Variants in CAMK2D observed in about 807,000 individuals in gnomAD.
CAMK2D encodes the protein calcium/calmodulin-dependent protein kinase type II subunit delta.
In CAMK2D, 37 loss-of-function variants were observed where a neutral mutation model predicts 84.0. That is an observed-to-expected ratio of 0.44 (90% CI 0.34 to 0.58). The LOEUF (loss-of-function observed/expected upper bound fraction) is 0.58. Among genes scored for constraint, CAMK2D ranks in the 20% least tolerant of loss-of-function variants. CAMK2D has a pLI of 0.02. For synonymous variants in CAMK2D, 202 were observed against 212.5 expected (o/e 0.95, Z 0.43); for missense variants, 448 against 652.5 (o/e 0.69, Z 3.41).
At chr4:113,519,433 G>A (rs1215466152) in intron 8 of CAMK2D, among the ~76,000 whole-genome samples, 1 of 152,062 alleles carries the variant, frequency 6.6e-6, no homozygotes, top group African/African-American at 2.4e-5. Flanking sequence ...GCTGTTTGAT[G>A]GAGGAGTGTT....
chr4:113,467,861 CGGG>C (rs2097494751), intron 16 of CAMK2D, among the ~76,000 whole-genome samples: 3 of 151,950 alleles, frequency 2.0e-5, no homozygotes, highest in Non-Finnish European at 4.4e-5. Context: ...ATAAGGGATA[CGGG>C]TGAGGAGGAT....
intron 2 of CAMK2D, among the ~76,000 whole-genome samples, chr4:113,696,187 G>GAC (rs1377743443): frequency 4.4e-5 from 3 of 68,756 alleles, no homozygotes; most frequent in South Asian, 1.4e-3. Flanking sequence ...CAGACACACA[G>GAC]ACACACAGAC....
rs1362798158 is a variant in CAMK2D, at chr4:113,510,412, A to AAATT, written c.947-741_947-738dup. On this transcript the variant is annotated intron_variant, in intron 12 of 20. Coordinates refer to ENST00000511664, the MANE Select transcript of CAMK2D (RefSeq NM_001321571.2). The stretch of plus-strand genomic sequence containing the variant: ...TAAAACCAGAATAAAATCTTCAACG[A>AAATT]AATTAGAGAAATCTTAAAGCATATG... 5.3e-5 allele frequency among the ~76,000 whole-genome samples: 8 copies of AAATT among 152,296 alleles called. No homozygotes were observed. In the South Asian group the frequency reaches 1.4e-3, roughly 28 times the overall value.
intron 6 of CAMK2D, among the ~76,000 whole-genome samples, chr4:113,538,887 C>T (rs2098511218): frequency 6.6e-6 from 1 of 152,144 alleles, no homozygotes; most frequent in Admixed American, 6.6e-5. Context: ...AGATTCATCG[C>T]TATTATGACG....
chr4:113,636,802 A>G (rs1033736320), intron 3 of CAMK2D, among the ~76,000 whole-genome samples: 1 of 152,140 alleles, frequency 6.6e-6, no homozygotes, highest in Non-Finnish European at 1.5e-5. Context: ...ATCTCTAAAT[A>G]CCATCACATT....
intron 2 of CAMK2D, among the ~76,000 whole-genome samples, chr4:113,735,497 A>C (rs2099579266): frequency 6.6e-6 from 1 of 151,872 alleles, no homozygotes; most frequent in Non-Finnish European, 1.5e-5. Flanking sequence ...AACAAAACAC[A>C]ATTTGTACAA....
At chr4:113,754,502 A>G (rs2099623987) in intron 2 of CAMK2D, 1 of 940,340 alleles carries the variant, frequency 1.1e-6, no homozygotes, top group African/African-American at 1.8e-5. Flanking sequence ...TTTATTCAAC[A>G]TTTCAATGGA....
chr4:113,479,219 A>G (rs180815321), intron 16 of CAMK2D, among the ~76,000 whole-genome samples: 1 of 152,340 alleles, frequency 6.6e-6, no homozygotes, highest in African/African-American at 2.4e-5. Flanking sequence ...AGAAGTGTTT[A>G]AGTAATTTTG....
chr4:113,694,155 A>C (rs1459513233), intron 2 of CAMK2D, among the ~76,000 whole-genome samples: 1 of 152,212 alleles, frequency 6.6e-6, no homozygotes, highest in Non-Finnish European at 1.5e-5. Context: ...CAATTTGCTC[A>C]GAGAATGGAA....
chr4:113,523,953 T>C (rs1056785597), intron 8 of CAMK2D, among the ~76,000 whole-genome samples: 1 of 152,036 alleles, frequency 6.6e-6, no homozygotes, highest in African/African-American at 2.4e-5. Flanking sequence ...AGCCTCAACT[T>C]CCCTGACTCA....
chr4:113,565,689 T>G (rs2098720444), intron 4 of CAMK2D, among the ~76,000 whole-genome samples: 1 of 148,312 alleles, frequency 6.7e-6, no homozygotes, highest in African/African-American at 2.5e-5. Context: ...AAAAAACGAA[T>G]AATTGAACAC....
intron 2 of CAMK2D, among the ~76,000 whole-genome samples, chr4:113,747,911 G>A (rs1242369759): frequency 6.6e-6 from 1 of 152,042 alleles, no homozygotes; most frequent in Non-Finnish European, 1.5e-5. Context: ...TACCTGATAA[G>A]TCTATCACCA....
chr4:113,648,327 A>G (rs1475419713), intron 3 of CAMK2D, among the ~76,000 whole-genome samples: 2 of 152,234 alleles, frequency 1.3e-5, no homozygotes, highest in Non-Finnish European at 2.9e-5. Context: ...TTGCTCCTTA[A>G]AAGAAGTCAA....
intron 16 of CAMK2D, among the ~76,000 whole-genome samples, chr4:113,495,927 AGGTG>A (rs946262807): frequency 6.6e-6 from 1 of 152,204 alleles, no homozygotes; most frequent in Non-Finnish European, 1.5e-5. Flanking sequence ...CAACTTCAAC[AGGTG>A]CTGCACAAGA....
intron 2 of CAMK2D, among the ~76,000 whole-genome samples, chr4:113,758,349 T>C (rs969933754): frequency 6.6e-6 from 1 of 152,046 alleles, no homozygotes; most frequent in Non-Finnish European, 1.5e-5. Context: ...GCAATAAATA[T>C]GGAAAAACTA....
intron 3 of CAMK2D, among the ~76,000 whole-genome samples, chr4:113,649,003 A>C (rs1450554487): frequency 6.6e-6 from 1 of 152,220 alleles, no homozygotes. Context: ...TGTCAGTTAA[A>C]GGGATCAACA....
chr4:113,745,606 G>T (rs773313838), intron 2 of CAMK2D, among the ~76,000 whole-genome samples: 1 of 151,972 alleles, frequency 6.6e-6, no homozygotes, highest in African/African-American at 2.4e-5. Context: ...TGTTAACCTC[G>T]CTTTCTTTCC....
intron 13 of CAMK2D, among the ~76,000 whole-genome samples, chr4:113,507,147 A>G (rs2098138603): frequency 6.6e-6 from 1 of 152,226 alleles, no homozygotes. Flanking sequence ...GCAGTTATTT[A>G]TAATATTAAT....
At chr4:113,604,467 T>C (rs2098969229) in intron 4 of CAMK2D, among the ~76,000 whole-genome samples, 1 of 152,222 alleles carries the variant, frequency 6.6e-6, no homozygotes, top group African/African-American at 2.4e-5. Context: ...GTTTAGTTTA[T>C]TAATCTCATT....
Sources: gnomAD v4.1 joint callset for allele counts (sites outside exome capture counted in the v4.1 genomes callset) on GRCh38, gnomAD v4.1.1 for gene constraint, MANE v1.5 for transcripts, NCBI Gene and HGNC (gene_info 2026-07-23, HGNC 2026-07-21) for gene names.